The following CPLANE1 variants were observed in gnomAD, a reference collection of about 807,000 sequenced individuals.
The protein encoded by CPLANE1 is ciliogenesis and planar polarity effector 1.
Under a neutral mutation model 362.5 loss-of-function variants are expected in CPLANE1, and 263 were observed. The ratio of observed to expected loss-of-function variants is 0.73; its 90% confidence interval spans 0.66 to 0.80. The LOEUF is 0.80. Among genes scored for constraint, CPLANE1 ranks in the 30% least tolerant of loss-of-function variants. CPLANE1 has a pLI of 0.00. For synonymous variants in CPLANE1, 1,212 were observed against 1,302.6 expected (o/e 0.93, Z 1.50); for missense variants, 3,461 against 3,793.4 (o/e 0.91, Z 2.30).
rs749009614 is a variant in CPLANE1, at chr5:37,108,398, C to T, written c.9474G>A (p.Lys3158=). The T allele has an allele frequency of 4.3e-6, 7 of 1,614,212 alleles. No homozygotes were observed. The highest frequency in any genetic ancestry group is 5.9e-6 in the Non-Finnish European group (7 of 1,180,028). ...CTCTTTCATACTCTACACACACCTGCTTGGTTTGAGGTGCAAGCCCAGCAC... is the reference window on the plus strand; with the variant it reads ...CTCTTTCATACTCTACACACACCTGTTTGGTTTGAGGTGCAAGCCCAGCAC... ...HGSAGLAPQT[K]QVCVEYEREE... is the part of the protein sequence containing the mutation. Residue 3158 remains lysine, a synonymous_variant, in exon 52 of 53, where the codon AAG becomes AAA. Coordinates refer to ENST00000651892, the MANE Select transcript of CPLANE1 (RefSeq NM_001384732.1).
At chr5:37,133,906 G>A (rs1421716708) in intron 46 of CPLANE1, among the ~76,000 whole-genome samples, 1 of 152,040 alleles carries the variant, frequency 6.6e-6, no homozygotes, top group African/African-American at 2.4e-5. Flanking sequence ...TGTTGGCTGT[G>A]GGTTTGTCAT....
At chr5:37,139,657 C>A (rs892301781) in intron 44 of CPLANE1, 2 of 418,688 alleles carry the variant, frequency 4.8e-6, no homozygotes, top group Non-Finnish European at 6.6e-6. Flanking sequence ...CTCAAGCAAA[C>A]CTCCCACCTT....
chr5:37,154,459 C>CTTTTTTTTTTTTTTTTT lies in CPLANE1; in HGVS notation c.8120-483_8120-467dup, dbSNP rs35522666. Among the ~76,000 whole-genome samples, 290 of 84,548 alleles carry CTTTTTTTTTTTTTTTTT rather than the reference C, an allele frequency of 3.4e-3. 24 individuals are homozygous for CTTTTTTTTTTTTTTTTT. The highest frequency in any genetic ancestry group is 0.015 in the Middle Eastern group (2 of 130). 55.5% of individuals were successfully genotyped at this position (84,548 alleles called of 152,430 possible). A position where few individuals can be genotyped will look rare whatever the true frequency, so the allele number is the denominator to read the frequency against. ...TTCTTCTCCCAAATTTGCAATAGTT[C>CTTTTTTTTTTTTTTTTT]TTTTTTTTTTTTTTTTTTTTTTTTA... is the stretch of plus-strand genomic sequence containing the variant. On this transcript the variant is annotated intron_variant, in intron 41 of 52. Coordinates refer to ENST00000651892, the MANE Select transcript of CPLANE1 (RefSeq NM_001384732.1).
chr5:37,127,349 C>T (rs1451190294), intron 46 of CPLANE1, among the ~76,000 whole-genome samples: 2 of 152,130 alleles, frequency 1.3e-5, no homozygotes, highest in South Asian at 2.1e-4. Context: ...ATTGCATCCT[C>T]CCTTTTTCCC....
chr5:37,154,080 T>A, intron 41 of CPLANE1, 87 bp from the exon 42 acceptor site: 1 of 1,153,348 alleles, frequency 8.7e-7, no homozygotes, highest in Non-Finnish European at 1.2e-6. Context: ...GACTTCATTT[T>A]AAACCAACAC....
intron 24 of CPLANE1, 87 bp downstream of exon 24, chr5:37,186,199 T>A: frequency 1.4e-6 from 1 of 735,232 alleles, no homozygotes; most frequent in Non-Finnish European, 2.4e-6. Flanking sequence ...CATAGACACA[T>A]AAGCAACAGT....
At chr5:37,220,897 C>T (rs1396427227) in intron 15 of CPLANE1, among the ~76,000 whole-genome samples, 4 of 152,144 alleles carry the variant, frequency 2.6e-5, no homozygotes, top group Admixed American at 2.0e-4. Flanking sequence ...CAATAGTTAA[C>T]ATACTAAGGA....
At chr5:37,165,387 G>A in intron 36 of CPLANE1, 152 bp downstream of exon 36, 1 of 715,522 alleles carries the variant, frequency 1.4e-6, no homozygotes, top group Non-Finnish European at 2.3e-6. Flanking sequence ...GCTCTGTGGA[G>A]GGAGGCAGCA....
At position 37,175,770 on chromosome 5, in the gene CPLANE1, T is replaced by G. The variant is rs112134296; in HGVS notation, c.5978+139A>C. The G allele has an allele frequency of 1.5e-3, 981 of 638,194 alleles. 9 individuals carry two copies. In the African/African-American group the frequency reaches 0.017, roughly 11 times the overall value. 39.5% of individuals were successfully genotyped at this position (638,194 alleles called of 1,614,324 possible). A position where few individuals can be genotyped will look rare whatever the true frequency, so the allele number is the denominator to read the frequency against. ...GTGTGCTTATGCTGCTCTTTCAATG[T>G]TTTATGTTGCTTTCATTTTTCTTAG... On this transcript the variant is annotated intron_variant, in intron 31 of 52. Transcript: ENST00000651892.
chr5:37,169,095 T>G lies in CPLANE1; in HGVS notation c.6929A>C (p.Glu2310Ala). The G allele has an allele frequency of 6.2e-7, 1 of 1,614,224 alleles. No individual in the cohort carries two copies. The highest frequency in any genetic ancestry group is 1.1e-5 in the South Asian group (1 of 91,076). ...QKTWAETVIT[E>A]IPNHVNLDQY... ...ATCCAAGTTCACATGATTAGGAATTTCTGTAATTACAGTTTCTGCCCACGT... is the reference window on the plus strand; with the variant it reads ...ATCCAAGTTCACATGATTAGGAATTGCTGTAATTACAGTTTCTGCCCACGT... Residue 2310 changes from glutamate to alanine, a missense_variant, in exon 34 of 53, where the codon GAA (glutamate) becomes GCA (alanine). This residue lies in a region of CPLANE1 where 3,380 missense variants were observed against 3,666.1 expected (regional missense o/e 0.92). Transcript: ENST00000651892.
chr5:37,187,492 G>T lies in CPLANE1; in HGVS notation c.4002C>A (p.Phe1334Leu). Reference protein sequence around the residue: ...AVEWAYRMLPFSRFFNMEELI... With the variant: ...AVEWAYRMLPLSRFFNMEELI... ...GTTCTTCCATATTAAAAAACCGAGA[G>T]AAAGGCAGCATTCTATAAGCCCATT... The change falls in exon 23 of 53, where the codon TTC becomes TTA. Residue 1334 changes from phenylalanine to leucine, a missense_variant. By Grantham distance (22) the Phe-to-Leu change is conservative. Around this residue, in one of 2 missense-constraint regions of CPLANE1, gnomAD observed 3,380 missense variants for 3,666.1 expected, o/e 0.92. Transcript: ENST00000651892. 1 of 1,613,576 alleles carries T rather than the reference G, an allele frequency of 6.2e-7. No individual in the cohort carries two copies. The highest frequency in any genetic ancestry group is 8.5e-7 in the Non-Finnish European group (1 of 1,179,662).
intron 50 of CPLANE1, 142 bp downstream of exon 50, chr5:37,120,074 T>C (rs985473517): frequency 5.2e-6 from 4 of 769,874 alleles, no homozygotes; most frequent in Non-Finnish European, 8.1e-6. Flanking sequence ...TACAGCTAAG[T>C]CTTTATCAAT....
chr5:37,229,643 C>T (rs1797275798), intron 9 of CPLANE1, among the ~76,000 whole-genome samples: 1 of 152,146 alleles, frequency 6.6e-6, no homozygotes, highest in Admixed American at 6.5e-5. Context: ...AATGTCTTTT[C>T]CAACTTTTCT....
chr5:37,183,190 GGATATTGTAAAAAA>G lies in CPLANE1; in HGVS notation c.4977_4990del (p.Leu1661GlufsTer2). 6.2e-7 allele frequency: 1 copy of G among 1,610,910 alleles called. No homozygotes were observed. The highest frequency in any genetic ancestry group is 8.5e-7 in the Non-Finnish European group (1 of 1,178,906). On this transcript the variant is annotated frameshift_variant, in exon 26 of 53. Coordinates refer to ENST00000651892, the MANE Select transcript of CPLANE1 (RefSeq NM_001384732.1). Reference sequence around the variant, plus strand: ...TTCATTCTTATTGACTTCATTCGAAGGATATTGTAAAAAAGGTTTGATCCCTTGATTAACCAGTA... The same window carrying G: ...TTCATTCTTATTGACTTCATTCGAAGGGTTTGATCCCTTGATTAACCAGTA...
At chr5:37,221,590 A>G in intron 14 of CPLANE1, 102 bp from the exon 15 acceptor site, 1 of 694,164 alleles carries the variant, frequency 1.4e-6, no homozygotes, top group East Asian at 3.3e-5. Context: ...AAATTCATCA[A>G]GTTGTACACT....
chr5:37,113,404 C>T (rs1269680071), intron 51 of CPLANE1, among the ~76,000 whole-genome samples: 1 of 152,182 alleles, frequency 6.6e-6, no homozygotes, highest in African/African-American at 2.4e-5. Flanking sequence ...GTGAGGCCTC[C>T]ACAGCCATGT....
At position 37,176,996 on chromosome 5, in the gene CPLANE1, G is replaced by T. The variant is rs193283834; in HGVS notation, c.5900+625C>A. Among the ~76,000 whole-genome samples, 1,328 of 152,206 alleles carry T rather than the reference G, an allele frequency of 8.7e-3. 8 individuals are homozygous for T. Among genetic ancestry groups the T allele is most frequent in the Non-Finnish European group, 0.012 (840 of 68,008 alleles). ...GATGGTCTTGATCTCTTGACCTCAT[G>T]ATCCACCCGCCTCGGCCTCCTAGAG... On this transcript the variant is annotated intron_variant, in intron 30 of 52. Coordinates refer to ENST00000651892, the MANE Select transcript of CPLANE1 (RefSeq NM_001384732.1).
chr5:37,184,124 C>G (rs928668399), intron 25 of CPLANE1, among the ~76,000 whole-genome samples: 2 of 152,146 alleles, frequency 1.3e-5, no homozygotes, highest in African/African-American at 4.8e-5. Flanking sequence ...CCGCTCAGCT[C>G]CCCTAATACC....
At chr5:37,225,806 T>C (rs1440199046) in intron 12 of CPLANE1, among the ~76,000 whole-genome samples, 2 of 143,818 alleles carry the variant, frequency 1.4e-5, no homozygotes, top group African/African-American at 5.3e-5. Context: ...TGAGCCGAGA[T>C]TGCATCATCG....
Sources: gnomAD v4.1 joint callset for allele counts (sites outside exome capture counted in the v4.1 genomes callset) on GRCh38, gnomAD v4.1.1 for gene constraint, gnomAD v4.1.1 regional missense constraint, MANE v1.5 for transcripts, NCBI Gene and HGNC (gene_info 2026-07-23, HGNC 2026-07-21) for gene names.